The following AMMECR1 variants were observed in gnomAD, a reference collection of about 807,000 sequenced individuals.
AMMECR1 encodes the protein AMMECR nuclear protein 1, also known as nuclear protein AMMECR1.
A neutral mutation model predicts 22.5 loss-of-function variants in AMMECR1; 3 were observed. That is an observed-to-expected ratio of 0.13 (90% CI 0.06 to 0.35). The LOEUF is 0.35. Among genes scored for constraint, AMMECR1 ranks in the 10% least tolerant of loss-of-function variants. The probability of loss-of-function intolerance (pLI) is 1.00; values close to 1 mark genes in which losing one functional copy is unlikely to be tolerated. For missense variants in AMMECR1, 235 were observed against 278.7 expected, an observed-to-expected ratio of 0.84 and a Z score of 1.12; for synonymous variants, 130 against 116.7, an observed-to-expected ratio of 1.11 and a Z score of -0.74.
intron 2 of AMMECR1, among the ~76,000 whole-genome samples, chrX:110,411,578 A>G (rs183910016): frequency 1.8e-5 from 2 of 112,235 alleles, no homozygotes; most frequent in African/African-American, 6.5e-5. Flanking sequence ...TGTAGAATCT[A>G]TGAAGAAAAA....
intron 2 of AMMECR1, among the ~76,000 whole-genome samples, chrX:110,377,296 A>G (rs1454282517): frequency 9.0e-6 from 1 of 111,375 alleles, no homozygotes; most frequent in Non-Finnish European, 1.9e-5. Context: ...ATATCTTTCT[A>G]TTTGTCCGCA....
chrX:110,378,189 A>G (rs1412154744), intron 2 of AMMECR1, among the ~76,000 whole-genome samples: 1 of 111,086 alleles, frequency 9.0e-6, no homozygotes, highest in African/African-American at 3.3e-5. Flanking sequence ...AATGTGAAAT[A>G]TTTCCATCAT....
rs1486451537 is a variant in AMMECR1, at chrX:110,331,699, T to C, written c.-147-13850A>G. Reference sequence around the variant, plus strand: ...TCATTTTCCTGCTTAAAACCTTTGGTTAATTTCTCATCGTCTATAAGGAGA... The same window carrying C: ...TCATTTTCCTGCTTAAAACCTTTGGCTAATTTCTCATCGTCTATAAGGAGA... On this transcript the variant is annotated intron_variant, in intron 2 of 7. Transcript: ENST00000372057. Among the ~76,000 whole-genome samples, 4 of 111,355 alleles carry C rather than the reference T, an allele frequency of 3.6e-5. No homozygotes were observed. The Admixed American group carries it at 3.8e-4, about 11-fold the overall frequency.
intron 2 of AMMECR1, among the ~76,000 whole-genome samples, chrX:110,351,649 CAT>C (rs2068211639): frequency 9.0e-6 from 1 of 111,559 alleles, no homozygotes; most frequent in Admixed American, 9.5e-5. Context: ...TAAAAGGAAA[CAT>C]AGATGTAAAT....
rs145782188 is a variant in AMMECR1, at chrX:110,265,870, T to A, written c.474-1271A>T. Reference sequence around the variant, plus strand: ...TCTCATTCAAGTACTTCAATCACCCTCCTTAAACATTTAAATTATGCTGAG... The same window carrying A: ...TCTCATTCAAGTACTTCAATCACCCACCTTAAACATTTAAATTATGCTGAG... On this transcript the variant is annotated intron_variant, in intron 1 of 5. Coordinates refer to ENST00000262844, the MANE Select transcript of AMMECR1 (RefSeq NM_015365.3). Among the ~76,000 whole-genome samples, 849 of 111,618 alleles carry A rather than the reference T, an allele frequency of 7.6e-3. 7 individuals carry two copies. The highest frequency in any genetic ancestry group is 0.027 in the African/African-American group (822 of 30,745).
intron 2 of AMMECR1, among the ~76,000 whole-genome samples, chrX:110,258,347 C>T (rs750543896): frequency 9.0e-6 from 1 of 111,645 alleles, no homozygotes; most frequent in African/African-American, 3.3e-5. Context: ...CTTGGGATAA[C>T]GAAGGAGTGC....
In AMMECR1 at chrX:110,217,502, T is replaced by TACACAC. The variant is rs759487797; in HGVS notation, c.585-876_585-871dup. 8.1e-3 allele frequency among the ~76,000 whole-genome samples: 713 copies of TACACAC among 88,571 alleles called. 4 individuals are homozygous for TACACAC. The highest frequency in any genetic ancestry group is 0.027 in the Middle Eastern group (5 of 182). The allele number at this position is 88,571 out of a possible 115,157, so 76.9% of individuals were successfully genotyped here. ...ATTCTTCCTGCAACGGAATAGAAAA[T>TACACAC]ACACACACACACACACACACACACA... is the stretch of plus-strand genomic sequence containing the variant. On this transcript the variant is annotated intron_variant, in intron 2 of 5. Transcript: ENST00000262844.
chrX:110,402,148 G>A (rs1402277852), intron 2 of AMMECR1, among the ~76,000 whole-genome samples: 4 of 112,721 alleles, frequency 3.5e-5, no homozygotes, highest in African/African-American at 1.3e-4. Context: ...TCGGAAAACA[G>A]AGTGAAACAG....
chrX:110,244,703 G>C (rs2067649927), intron 2 of AMMECR1, among the ~76,000 whole-genome samples: 1 of 111,972 alleles, frequency 8.9e-6, no homozygotes, highest in Non-Finnish European at 1.9e-5. Context: ...CAGTACCATG[G>C]TCAGAGTTAA....
At chrX:110,235,854 C>T (rs2067597784) in intron 2 of AMMECR1, among the ~76,000 whole-genome samples, 1 of 111,046 alleles carries the variant, frequency 9.0e-6, no homozygotes, top group Non-Finnish European at 1.9e-5. Context: ...ACGAGAAATA[C>T]CTAATGCAAA....
At chrX:110,342,014 G>A (rs748753784) in intron 2 of AMMECR1, among the ~76,000 whole-genome samples, 1 of 110,733 alleles carries the variant, frequency 9.0e-6, no homozygotes, top group South Asian at 4.0e-4. Flanking sequence ...AGCTGAGATC[G>A]TGCCACTGCG....
rs1265766276 is a variant in AMMECR1 at position 110,429,471 on chromosome X, TTTGTTTTGTTTTTTTG to T, written c.-293-2684_-293-2669del. Among the ~76,000 whole-genome samples, 12 of 77,855 alleles carry T rather than the reference TTTGTTTTGTTTTTTTG, an allele frequency of 1.5e-4. 1 individual carries two copies. In the African/African-American group the frequency reaches 1.6e-3, roughly 10 times the overall value. 67.6% of individuals were successfully genotyped at this position (77,855 alleles called of 115,157 possible). A position where few individuals can be genotyped will look rare whatever the true frequency, so the allele number is the denominator to read the frequency against. ...TAGAGAAAAAGTGTTTTTTTTTTTT[TTTGTTTTGTTTTTTTG>T]GTTTTTTTGTTTTTACAGAGGCTTG... On this transcript the variant is annotated intron_variant, in intron 1 of 7. Coordinates refer to the AMMECR1 transcript ENST00000372057.
chrX:110,404,828 T>C (rs781586570), intron 2 of AMMECR1, among the ~76,000 whole-genome samples: 3 of 111,733 alleles, frequency 2.7e-5, no homozygotes, highest in Non-Finnish European at 5.6e-5. Context: ...TAACTCACGA[T>C]TTTTCTTGGC....
At chrX:110,299,190 GA>G (rs932128452) in intron 1 of AMMECR1, among the ~76,000 whole-genome samples, 59 of 110,874 alleles carry the variant, frequency 5.3e-4, no homozygotes, top group Non-Finnish European at 9.3e-4. Flanking sequence ...TTTTGTTTTT[GA>G]AAAAAAATTA....
chrX:110,268,773 A>T (rs2067783010), intron 1 of AMMECR1, among the ~76,000 whole-genome samples: 1 of 111,989 alleles, frequency 8.9e-6, no homozygotes, highest in Admixed American at 9.5e-5. Flanking sequence ...ATCAAAGTAG[A>T]AAAAGGGTTT....
chrX:110,259,921 A>G (rs766516938), intron 2 of AMMECR1, among the ~76,000 whole-genome samples: 13 of 111,276 alleles, frequency 1.2e-4, no homozygotes, highest in African/African-American at 3.9e-4. Flanking sequence ...ATTCATCTAT[A>G]TTAGTGGTAA....
At chrX:110,269,343 A>G (rs1416211835) in intron 1 of AMMECR1, among the ~76,000 whole-genome samples, 2 of 112,006 alleles carry the variant, frequency 1.8e-5, no homozygotes, top group Non-Finnish European at 3.8e-5. Context: ...CTCTCCTGCC[A>G]TATCAAGGCA....
At chrX:110,289,323 A>C (rs1209298753) in intron 1 of AMMECR1, among the ~76,000 whole-genome samples, 1 of 111,604 alleles carries the variant, frequency 9.0e-6, no homozygotes, top group Non-Finnish European at 1.9e-5. Context: ...GAAAAAGTCA[A>C]GAAAAGGAGG....
intron 5 of AMMECR1, 42 bp from the exon 6 acceptor site, chrX:110,198,676 T>C: frequency 1.1e-5 from 10 of 939,911 alleles, no homozygotes; most frequent in Non-Finnish European, 1.5e-5. Flanking sequence ...CATTGAGAAG[T>C]AGGTGACATG....
Sources: allele counts gnomAD v4.1 joint callset (sites outside exome capture counted in the v4.1 genomes callset), GRCh38; gene constraint gnomAD v4.1.1; transcripts MANE v1.5; gene names NCBI Gene and HGNC (gene_info 2026-07-23, HGNC 2026-07-21).